The following SLC25A23 variants were observed in gnomAD, a reference collection of about 807,000 sequenced individuals.
SLC25A23 encodes the protein solute carrier family 25 member 23.
A neutral mutation model predicts 53.9 loss-of-function variants in SLC25A23; 32 were observed. The observed-to-expected ratio is 0.59, with a 90% CI of 0.45 to 0.80. The LOEUF (loss-of-function observed/expected upper bound fraction) is 0.80. Ranked by LOEUF, SLC25A23 falls within the 30% of genes least tolerant of loss-of-function variation. SLC25A23 has a pLI of 0.00. For missense variants in SLC25A23, 575 were observed against 651.4 expected, an observed-to-expected ratio of 0.88 and a Z score of 1.28; for synonymous variants, 275 against 264.5, an observed-to-expected ratio of 1.04 and a Z score of -0.38.
rs774945054 is a variant in SLC25A23, at chr19:6,457,495, C to T, written c.371+8G>A. On this transcript the variant is annotated splice_region_variant and intron_variant, in intron 3 of 9. Transcript: ENST00000301454. ...GTTACTTTGGATTCCAGACCCCCAG[C>T]GACTCACCTGTGCAAAATTTTCTCA... 14 of 1,613,356 alleles carry T rather than the reference C, an allele frequency of 8.7e-6. No homozygotes were observed. The highest frequency in any genetic ancestry group is 3.3e-4 in the Middle Eastern group (2 of 6,080).
In SLC25A23 at chr19:6,442,171, C is replaced by CGGGGGGGTGGGGGG; in HGVS notation, c.1223-13_1223-12insCCCCCCACCCCCCC. 3.8e-5 allele frequency: 23 copies of CGGGGGGGTGGGGGG among 597,682 alleles called. No homozygotes were observed. The highest frequency in any genetic ancestry group is 5.2e-5 in the Non-Finnish European group (20 of 384,586). 37.0% of individuals were successfully genotyped at this position (597,682 alleles called of 1,614,324 possible). A position where few individuals can be genotyped will look rare whatever the true frequency, so the allele number is the denominator to read the frequency against. ...ACCCTCGATGGAGGCTGGGAGGGGG[C>CGGGGGGGTGGGGGG]GGGGGGGGCACCAGGTAAGGCCAAC... On this transcript the variant is annotated splice_polypyrimidine_tract_variant and intron_variant, in intron 9 of 9. Transcript: ENST00000301454.
Position 6,459,645 on chromosome 19 carries a change from G to T in SLC25A23, c.-17C>A, listed in dbSNP as rs564585440. The T allele has an allele frequency of 4.3e-6, 6 of 1,394,396 alleles. No homozygotes were observed. The African/African-American group carries it at 6.0e-5, about 14-fold the overall frequency. The allele number at this position is 1,394,396 out of a possible 1,614,324, so 86.4% of individuals were successfully genotyped here. A position where few individuals can be genotyped will look rare whatever the true frequency, so the allele number is the denominator to read the frequency against. ...CCCCCGCATGGCGCCCGCCCGGGGG[G>T]GAGGGGAGGCCCGGCAGCGGCGGCC... is the stretch of plus-strand genomic sequence containing the variant. On this transcript the variant is annotated 5_prime_UTR_variant, in exon 1 of 10. Transcript: ENST00000301454. The surrounding 1 kb of genome is among the most constrained non-coding windows in gnomAD (Gnocchi z 4.6).
chr19:6,447,334 C>T (rs2092519489), intron 8 of SLC25A23, among the ~76,000 whole-genome samples: 1 of 152,118 alleles, frequency 6.6e-6, no homozygotes, highest in Admixed American at 6.6e-5. Context: ...CAGGGTCTCG[C>T]TCTCACACCC....
intron 8 of SLC25A23, among the ~76,000 whole-genome samples, chr19:6,449,206 G>T (rs1260497840): frequency 3.3e-5 from 5 of 151,398 alleles, no homozygotes; most frequent in African/African-American, 9.7e-5. Context: ...TTTGGGTAAA[G>T]AATGCATTAA....
At chr19:6,448,688 C>T (rs2092542761) in intron 8 of SLC25A23, among the ~76,000 whole-genome samples, 1 of 150,770 alleles carries the variant, frequency 6.6e-6, no homozygotes, top group African/African-American at 2.4e-5. Flanking sequence ...CCAGGATGGT[C>T]TTGATCTCTT....
Position 6,442,050 on chromosome 19 carries a change from C to T in SLC25A23, c.1332G>A (p.Lys444=), listed in dbSNP as rs372029974. The change falls in exon 10 of 10, where the codon AAG becomes AAA. Residue 444 remains lysine, a synonymous_variant. Coordinates refer to ENST00000301454, the MANE Select transcript of SLC25A23 (RefSeq NM_024103.3). ...LYRGIAPNFM[K]VIPAVSISYV... is the part of the protein sequence containing the mutation. ...AGGAGATGCTCACAGCTGGAATAAC[C>T]TTCATGAAGTTGGGGGCGATCCCCC... The T allele has an allele frequency of 5.1e-5, 83 of 1,613,620 alleles. No homozygotes were observed. The highest frequency in any genetic ancestry group is 6.7e-5 in the Non-Finnish European group (79 of 1,179,860).
At chr19:6,458,149 C>T (rs1401090138) in intron 2 of SLC25A23, 49 bp downstream of exon 2, 3 of 1,599,970 alleles carry the variant, frequency 1.9e-6, no homozygotes, top group Non-Finnish European at 1.7e-6. Flanking sequence ...TCTCTAGGGC[C>T]CCCACAGCCC....
downstream of SLC25A23, among the ~76,000 whole-genome samples, chr19:6,439,259 G>C (rs752371635): frequency 2.0e-5 from 3 of 151,610 alleles, no homozygotes; most frequent in African/African-American, 7.3e-5. Flanking sequence ...GTGTGCCTGC[G>C]GTCCCTGTGG....
chr19:6,450,084 C>T (rs373563804), intron 8 of SLC25A23, among the ~76,000 whole-genome samples: 8 of 151,550 alleles, frequency 5.3e-5, no homozygotes, highest in African/African-American at 1.7e-4. Flanking sequence ...TCTTGAACTC[C>T]TGACCTCAGG....
chr19:6,454,577 G>A lies in SLC25A23; in HGVS notation c.624C>T (p.Arg208=), dbSNP rs994722404. ...VSRTGTAPLD[R]LKVFMQVHAS... Reference sequence around the variant, plus strand: ...CCCTCACCTGCATGAAGACCTTGAGGCGGTCCAGAGGGGCCGTGCCTGTCC... The same window carrying A: ...CCCTCACCTGCATGAAGACCTTGAGACGGTCCAGAGGGGCCGTGCCTGTCC... The change falls in exon 5 of 10, where the codon CGC becomes CGT. Residue 208 remains arginine (R), a synonymous_variant. Coordinates refer to ENST00000301454, the MANE Select transcript of SLC25A23 (RefSeq NM_024103.3). This position sits in a 1 kb window ranked among gnomAD's most constrained non-coding sequence, Gnocchi z 4.3. The A allele has an allele frequency of 1.9e-6, 3 of 1,613,770 alleles. No individual in the cohort carries two copies. The highest frequency in any genetic ancestry group is 2.5e-6 in the Non-Finnish European group (3 of 1,179,994).
intron 8 of SLC25A23, among the ~76,000 whole-genome samples, chr19:6,448,671 A>G (rs1198683327): frequency 1.3e-5 from 2 of 150,454 alleles, no homozygotes; most frequent in African/African-American, 2.4e-5. Context: ...GGGTTTCACC[A>G]TGTTGGCCAG....
At chr19:6,451,853 A>C (rs1209252822) in intron 8 of SLC25A23, among the ~76,000 whole-genome samples, 3 of 111,362 alleles carry the variant, frequency 2.7e-5, no homozygotes, top group African/African-American at 2.5e-4. Flanking sequence ...TTTTTTGAGA[A>C]GGAGTCTCGC....
chr19:6,448,961 T>C lies in SLC25A23; in HGVS notation c.1071+3351A>G, dbSNP rs923625446. On this transcript the variant is annotated intron_variant, in intron 8 of 9. Transcript: ENST00000301454. ...ATTGCTTGAATCTGGGAGGCAGAGG[T>C]TGGAGTGAGCTGAGATCACACCACT... Among the ~76,000 whole-genome samples the C allele has an allele frequency of 1.3e-3, 190 of 151,492 alleles. 2 individuals are homozygous for C. The highest frequency in any genetic ancestry group is 4.6e-4 in the Non-Finnish European group (31 of 67,874).
Position 6,454,105 on chromosome 19 carries a change from C to G in SLC25A23, c.796-17G>C. On this transcript the variant is annotated splice_polypyrimidine_tract_variant and intron_variant, in intron 6 of 9. Coordinates refer to ENST00000301454, the MANE Select transcript of SLC25A23 (RefSeq NM_024103.3). This position sits in a 1 kb window ranked among gnomAD's most constrained non-coding sequence, Gnocchi z 4.3. ...CCTCTTGATCTGAGGCGGGGAGACA[C>G]AGGGATGGGTAGGACCATGGGGGTT... is the stretch of plus-strand genomic sequence containing the variant. 1 of 1,607,308 alleles carries G rather than the reference C, an allele frequency of 6.2e-7. No individual in the cohort carries two copies. Among genetic ancestry groups the G allele is most frequent in the Non-Finnish European group, 8.5e-7 (1 of 1,176,310 alleles).
chr19:6,458,666 G>A (rs1296808409), intron 1 of SLC25A23, among the ~76,000 whole-genome samples: 15 of 152,120 alleles, frequency 9.9e-5, no homozygotes, highest in Admixed American at 9.8e-4. Context: ...TTTAGTTTTT[G>A]TTATTTTTTT....
At position 6,456,664 on chromosome 19, in the gene SLC25A23, A is replaced by C. The variant is rs1051047347; in HGVS notation, c.372-133T>G. On this transcript the variant is annotated intron_variant, in intron 3 of 9. Coordinates refer to ENST00000301454, the MANE Select transcript of SLC25A23 (RefSeq NM_024103.3). ...TATCAACCCTATTAGAGATGTAGCAAATATTACCATCATTTTCTTTTTTCT... is the reference window on the plus strand; with the variant it reads ...TATCAACCCTATTAGAGATGTAGCACATATTACCATCATTTTCTTTTTTCT... The C allele has an allele frequency of 4.8e-6, 3 of 623,680 alleles. No homozygotes were observed. In the African/African-American group the frequency reaches 5.6e-5, roughly 12 times the overall value. The allele number at this position is 623,680 out of a possible 1,614,324, so 38.6% of individuals were successfully genotyped here.
chr19:6,455,872 C>T lies in SLC25A23; in HGVS notation c.483+548G>A, dbSNP rs1158603260. The T allele has an allele frequency of 8.2e-6, 4 of 485,166 alleles. No homozygotes were observed. The East Asian group carries it at 2.2e-4, about 27-fold the overall frequency. 30.1% of individuals were successfully genotyped at this position (485,166 alleles called of 1,614,324 possible). On this transcript the variant is annotated intron_variant, in intron 4 of 9. Coordinates refer to ENST00000301454, the MANE Select transcript of SLC25A23 (RefSeq NM_024103.3). ...TAGCTGGGACTACAGGTGCCTGCCA[C>T]TACACCTGGCTCATTTTTTTAATAT...
chr19:6,452,667 A>C, intron 7 of SLC25A23, 188 bp from the exon 8 acceptor site: 1 of 602,336 alleles, frequency 1.7e-6, no homozygotes, highest in Non-Finnish European at 2.7e-6. Flanking sequence ...ACACCTACCA[A>C]AGTGCACACA....
intron 8 of SLC25A23, among the ~76,000 whole-genome samples, chr19:6,449,847 A>G (rs1599319127): frequency 7.2e-6 from 1 of 138,594 alleles, no homozygotes; most frequent in Non-Finnish European, 1.5e-5. Flanking sequence ...TCTTATTTCT[A>G]CTCACAACTC....
Sources: gnomAD v4.1 joint callset for allele counts (sites outside exome capture counted in the v4.1 genomes callset) on GRCh38, gnomAD v4.1.1 for gene constraint, Gnocchi (gnomAD v3.1) non-coding constraint, MANE v1.5 for transcripts, NCBI Gene and HGNC (gene_info 2026-07-23, HGNC 2026-07-21) for gene names.